ELF5: variants seen among roughly 807,000 people sequenced by gnomAD.
The protein encoded by ELF5 is E74 like ETS transcription factor 5, also known as ETS-related transcription factor Elf-5.
ELF5 carries 31 observed loss-of-function variants against 38.2 expected under a neutral mutation model. That is an observed-to-expected ratio of 0.81 (90% CI 0.61 to 1.10). ELF5 has a LOEUF of 1.10. ELF5 is among the 50% of genes least tolerant of loss of function. The pLI is 0.00. For synonymous variants in ELF5, 121 were observed against 112.5 expected (o/e 1.08, Z -0.48); for missense variants, 300 against 306.6 (o/e 0.98, Z 0.16).
chr11:34,493,158 T>G, intron 3 of ELF5: 1 of 510,770 alleles, frequency 2.0e-6, no homozygotes, highest in Non-Finnish European at 3.5e-6. Context: ...ACCTCTTTTT[T>G]GTCCATCCTG....
At chr11:34,489,027 G>A (rs1035923734) in intron 4 of ELF5, among the ~76,000 whole-genome samples, 1 of 152,226 alleles carries the variant, frequency 6.6e-6, no homozygotes, top group Non-Finnish European at 1.5e-5. Flanking sequence ...CCGGGGCCCC[G>A]AGTGATGAAA....
rs1441664764 is a variant in ELF5, at chr11:34,478,797, A to T, written c.*1421T>A. The T allele has an allele frequency of 1.3e-5, 2 of 152,700 alleles. No homozygotes were observed. The highest frequency in any genetic ancestry group is 2.9e-5 in the Non-Finnish European group (2 of 68,044). The allele number at this position is 152,700 out of a possible 1,614,324, so 9.5% of individuals were successfully genotyped here. On this transcript the variant is annotated 3_prime_UTR_variant, in exon 7 of 7. Coordinates refer to ENST00000257832, the MANE Select transcript of ELF5 (RefSeq NM_001422.4). ...TTGAATGATACACAGACAGTTGAAC[A>T]TGTTAAATACTTTATTCACATTGTT... is the stretch of plus-strand genomic sequence containing the variant.
intron 3 of ELF5, chr11:34,492,966 G>C (rs1369331415): frequency 5.9e-6 from 1 of 169,784 alleles, no homozygotes; most frequent in Non-Finnish European, 1.3e-5. Flanking sequence ...AATGTTCATC[G>C]ACATTCTGCA....
intron 2 of ELF5, 24 bp downstream of exon 2, chr11:34,505,605 A>G (rs2231821): frequency 0.28 from 451,691 of 1,612,298 alleles, 68,391 homozygotes; most frequent in Non-Finnish European, 0.31. Flanking sequence ...CTGCACTCAG[A>G]TGGGCTCCTT....
intron 1 of ELF5, among the ~76,000 whole-genome samples, chr11:34,509,896 A>C (rs537365693): frequency 6.6e-6 from 1 of 152,130 alleles, no homozygotes; most frequent in African/African-American, 2.4e-5. Context: ...CCAGGTCTTC[A>C]GTGTCAAATA....
At chr11:34,493,361 G>A (rs1363444250) in intron 3 of ELF5, 118 bp downstream of exon 3, 3 of 954,090 alleles carry the variant, frequency 3.1e-6, no homozygotes, top group Non-Finnish European at 4.9e-6. Flanking sequence ...TTGGATTAAC[G>A]AGAACTCCAG....
chr11:34,503,346 G>A (rs1018099164), intron 2 of ELF5, among the ~76,000 whole-genome samples: 7 of 151,780 alleles, frequency 4.6e-5, no homozygotes, highest in African/African-American at 1.7e-4. Context: ...TTTTCGTAGA[G>A]ACGGGGTTTC....
At chr11:34,484,209 A>G (rs1857009805) in intron 4 of ELF5, among the ~76,000 whole-genome samples, 1 of 150,550 alleles carries the variant, frequency 6.6e-6, no homozygotes, top group Non-Finnish European at 1.5e-5. Flanking sequence ...TATACTAACT[A>G]TACTGCACTG....
chr11:34,487,829 A>G (rs568991500), intron 4 of ELF5, among the ~76,000 whole-genome samples: 1 of 152,252 alleles, frequency 6.6e-6, no homozygotes, highest in East Asian at 1.9e-4. Context: ...TATGCAACTG[A>G]GGAGTTGAAT....
chr11:34,494,703 T>C (rs3781710), intron 2 of ELF5, among the ~76,000 whole-genome samples: 1 of 151,934 alleles, frequency 6.6e-6, no homozygotes, highest in East Asian at 1.9e-4. Flanking sequence ...GAAGAGGTGC[T>C]GTATTAGGTA....
At chr11:34,502,703 C>G (rs532135458) in intron 2 of ELF5, among the ~76,000 whole-genome samples, 2 of 152,334 alleles carry the variant, frequency 1.3e-5, no homozygotes, top group African/African-American at 4.8e-5. Flanking sequence ...CTCCATCCCT[C>G]AGGGAGCCTT....
chr11:34,488,137 T>C (rs1850057437), intron 4 of ELF5, among the ~76,000 whole-genome samples: 1 of 152,194 alleles, frequency 6.6e-6, no homozygotes, highest in African/African-American at 2.4e-5. Flanking sequence ...TCTTTCCCTT[T>C]ATAATATCAT....
chr11:34,495,781 G>T (rs1850301049), intron 2 of ELF5, among the ~76,000 whole-genome samples: 1 of 152,224 alleles, frequency 6.6e-6, no homozygotes, highest in Non-Finnish European at 1.5e-5. Context: ...GGCTGGAGCT[G>T]GCTTACCAGG....
At chr11:34,510,589 G>C (rs1850727334) in intron 1 of ELF5, among the ~76,000 whole-genome samples, 1 of 152,198 alleles carries the variant, frequency 6.6e-6, no homozygotes, top group Non-Finnish European at 1.5e-5. Context: ...CTGAGGCCCA[G>C]GGATATGTGA....
intron 2 of ELF5, among the ~76,000 whole-genome samples, chr11:34,500,344 G>T (rs937627441): frequency 3.0e-4 from 46 of 152,192 alleles, no homozygotes; most frequent in African/African-American, 1.0e-3. Context: ...CTGAAAGGAA[G>T]GACTTTATGA....
chr11:34,480,237 C>T lies in ELF5; in HGVS notation c.749G>A (p.Trp250Ter). Reference protein sequence around the residue: ...VYKFGKNAHGWQEDKL With the variant: ...VYKFGKNAHG ...AGCAGATCATAGCTTGTCTTCCTGC[C>T]ACCCGTGTGCATTTTTTCCAAATTT... The change falls in exon 7 of 7, where the codon TGG (tryptophan) becomes TAG (stop). Residue 250 changes from tryptophan (W) to a stop codon, truncating the protein, a stop_gained. Transcript: ENST00000257832. LOFTEE classifies it high-confidence loss of function. 2 of 1,614,048 alleles carry T rather than the reference C, an allele frequency of 1.2e-6. No individual in the cohort carries two copies. Among genetic ancestry groups the T allele is most frequent in the Non-Finnish European group, 1.7e-6 (2 of 1,179,978 alleles).
intron 2 of ELF5, among the ~76,000 whole-genome samples, chr11:34,496,036 C>T (rs978030423): frequency 2.0e-5 from 3 of 150,322 alleles, no homozygotes; most frequent in African/African-American, 7.3e-5. Flanking sequence ...AAGGTTTCGC[C>T]AAGGCTCTGT....
intron 4 of ELF5, among the ~76,000 whole-genome samples, chr11:34,488,377 C>T (rs1488912504): frequency 1.3e-5 from 2 of 152,176 alleles, no homozygotes; most frequent in African/African-American, 2.4e-5. Flanking sequence ...GATTTAGACA[C>T]ACCTGGGTCA....
At chr11:34,482,547 T>G in intron 4 of ELF5, 48 bp from the exon 5 acceptor site, 12 of 1,489,010 alleles carry the variant, frequency 8.1e-6, no homozygotes, top group Non-Finnish European at 1.1e-5. Context: ...AGAGGCCACA[T>G]TCAGACCTCA....
Sources: gnomAD v4.1 joint callset for allele counts (sites outside exome capture counted in the v4.1 genomes callset) on GRCh38, gnomAD v4.1.1 for gene constraint, MANE v1.5 for transcripts, NCBI Gene and HGNC (gene_info 2026-07-23, HGNC 2026-07-21) for gene names.